TMEM178B: variants seen among roughly 807,000 people sequenced by gnomAD.
TMEM178B encodes transmembrane protein 178B.
TMEM178B carries 5 observed loss-of-function variants against 31.0 expected under a neutral mutation model. The observed-to-expected ratio is 0.16, with a 90% CI of 0.08 to 0.34. The LOEUF is 0.34. TMEM178B is among the 10% of genes least tolerant of loss of function. The pLI is 1.00. For synonymous variants in TMEM178B, 164 were observed against 164.0 expected, an observed-to-expected ratio of 1.00 and a Z score of 0.00; for missense variants, 275 against 400.3, an observed-to-expected ratio of 0.69 and a Z score of 2.67.
chr7:141,471,142 G>A lies in TMEM178B; in HGVS notation c.*356G>A, dbSNP rs1802234704. ...TGTAGAGAAGGAAGTGCCACCCACTGGGTCAACGGGAGAGGACGCCACCCC... is the reference window on the plus strand; with the variant it reads ...TGTAGAGAAGGAAGTGCCACCCACTAGGTCAACGGGAGAGGACGCCACCCC... On this transcript the variant is annotated 3_prime_UTR_variant, in exon 4 of 4. Coordinates refer to ENST00000565468, the MANE Select transcript of TMEM178B (RefSeq NM_001195278.2). The surrounding 1 kb of genome is among the most constrained non-coding windows in gnomAD (Gnocchi z 4.1). 6.6e-6 allele frequency: 1 copy of A among 152,194 alleles called. No homozygotes were observed. The allele number at this position is 152,194 out of a possible 1,614,324, so 9.4% of individuals were successfully genotyped here. A position where few individuals can be genotyped will look rare whatever the true frequency, so the allele number is the denominator to read the frequency against.
In TMEM178B at chr7:141,239,022, A is replaced by G. The variant is rs182514595; in HGVS notation, c.496+26318A>G. 1.5e-4 allele frequency among the ~76,000 whole-genome samples: 23 copies of G among 152,150 alleles called. No homozygotes were observed. In the East Asian group the frequency reaches 4.1e-3, roughly 27 times the overall value. ...AAAATATTTCACAATAATCATCACA[A>G]TGGAGGGACTCTGCAGGAGCCGGTA... On this transcript the variant is annotated intron_variant, in intron 2 of 3. Coordinates refer to ENST00000565468, the MANE Select transcript of TMEM178B (RefSeq NM_001195278.2).
At chr7:141,139,614 C>T (rs1795734414) in intron 1 of TMEM178B, among the ~76,000 whole-genome samples, 2 of 151,974 alleles carry the variant, frequency 1.3e-5, no homozygotes, top group African/African-American at 4.8e-5. Flanking sequence ...AGTGCTGGGA[C>T]TACAGGGATG....
chr7:141,099,640 T>G (rs553150819), intron 1 of TMEM178B, among the ~76,000 whole-genome samples: 2 of 152,300 alleles, frequency 1.3e-5, no homozygotes, highest in South Asian at 4.1e-4. Context: ...TATAGATCTA[T>G]AGCAAATCAC....
the TMEM178B span, among the ~76,000 whole-genome samples, chr7:141,494,401 A>G: frequency 1.2e-4 from 19 of 152,170 alleles, no homozygotes; most frequent in Non-Finnish European, 2.9e-5. Flanking sequence ...TTAGATTTAT[A>G]TGTCCTTTTT....
chr7:141,144,574 C>T (rs1429353654), intron 1 of TMEM178B, among the ~76,000 whole-genome samples: 1 of 152,120 alleles, frequency 6.6e-6, no homozygotes, highest in Non-Finnish European at 1.5e-5. Context: ...TGAACCCAGA[C>T]ACAAACGATG....
At chr7:141,371,141 T>C (rs568707252) in intron 2 of TMEM178B, among the ~76,000 whole-genome samples, 1 of 152,336 alleles carries the variant, frequency 6.6e-6, no homozygotes, top group South Asian at 2.1e-4. Context: ...TCTTTGTCCC[T>C]TCCAAACCTC....
At chr7:141,216,832 C>T (rs139766357) in intron 2 of TMEM178B, among the ~76,000 whole-genome samples, 10 of 152,090 alleles carry the variant, frequency 6.6e-5, no homozygotes, top group Non-Finnish European at 1.5e-4. Flanking sequence ...TGGTGTGGTG[C>T]GGTGCCCTGG....
At chr7:141,354,726 TG>T (rs1284456968) in intron 2 of TMEM178B, among the ~76,000 whole-genome samples, 3 of 152,226 alleles carry the variant, frequency 2.0e-5, no homozygotes, top group Non-Finnish European at 4.4e-5. Flanking sequence ...TGTGGTTTCG[TG>T]GTTCCTATTT....
At chr7:141,177,673 G>A (rs1796455903) in intron 1 of TMEM178B, among the ~76,000 whole-genome samples, 2 of 152,160 alleles carry the variant, frequency 1.3e-5, no homozygotes, top group Non-Finnish European at 2.9e-5. Context: ...TCTTGTTGTT[G>A]AATTGATCCC....
intron 1 of TMEM178B, among the ~76,000 whole-genome samples, chr7:141,106,383 A>G (rs900622047): frequency 6.6e-6 from 1 of 152,250 alleles, no homozygotes; most frequent in African/African-American, 2.4e-5. Context: ...ACACATAGAT[A>G]TATTACAGAG....
intron 1 of TMEM178B, among the ~76,000 whole-genome samples, chr7:141,160,675 G>A (rs1368535957): frequency 1.3e-5 from 2 of 152,146 alleles, no homozygotes; most frequent in South Asian, 2.1e-4. Context: ...GGCACATGGG[G>A]CATATGTTCT....
intron 2 of TMEM178B, among the ~76,000 whole-genome samples, chr7:141,386,518 A>G (rs535371524): frequency 1.3e-5 from 2 of 152,330 alleles, no homozygotes; most frequent in East Asian, 3.9e-4. Context: ...TTTATGGGGT[A>G]CAATTTGATG....
chr7:141,335,662 C>T (rs1282416393), intron 2 of TMEM178B, among the ~76,000 whole-genome samples: 1 of 152,128 alleles, frequency 6.6e-6, no homozygotes, highest in Non-Finnish European at 1.5e-5. Context: ...ATTGCCTCAC[C>T]TCTCCCCCAT....
intron 1 of TMEM178B, among the ~76,000 whole-genome samples, chr7:141,100,818 C>T (rs542843613): frequency 6.6e-6 from 1 of 152,108 alleles, no homozygotes; most frequent in African/African-American, 2.4e-5. Context: ...GGCTCATAAA[C>T]TAATTCAAAA....
chr7:141,385,231 G>A (rs1800409900), intron 2 of TMEM178B, among the ~76,000 whole-genome samples: 1 of 152,154 alleles, frequency 6.6e-6, no homozygotes, highest in South Asian at 2.1e-4. Flanking sequence ...AATTATGGCA[G>A]CTCTTCAGTA....
intron 2 of TMEM178B, among the ~76,000 whole-genome samples, chr7:141,338,357 T>A (rs1799461078): frequency 6.6e-6 from 1 of 152,210 alleles, no homozygotes; most frequent in Non-Finnish European, 1.5e-5. Context: ...TTATTTATTC[T>A]CAACTTTGTT....
chr7:141,417,379 A>G (rs1369347114), intron 2 of TMEM178B, among the ~76,000 whole-genome samples: 1 of 151,926 alleles, frequency 6.6e-6, no homozygotes, highest in African/African-American at 2.4e-5. Context: ...GGCTTTCTGG[A>G]CCAGCGGCCT....
chr7:141,232,052 C>T (rs1204537244), intron 2 of TMEM178B, among the ~76,000 whole-genome samples: 1 of 152,160 alleles, frequency 6.6e-6, no homozygotes, highest in South Asian at 2.1e-4. Flanking sequence ...TAAGTGAGAA[C>T]ATGCGGTGTT....
chr7:141,350,681 A>C (rs1221797377), intron 2 of TMEM178B, among the ~76,000 whole-genome samples: 1 of 152,164 alleles, frequency 6.6e-6, no homozygotes, highest in African/African-American at 2.4e-5. Context: ...TACCAGGTTA[A>C]ATTTTTTAAT....
Sources: allele counts gnomAD v4.1 joint callset (sites outside exome capture counted in the v4.1 genomes callset), GRCh38; gene constraint gnomAD v4.1.1; non-coding constraint Gnocchi (gnomAD v3.1); transcripts MANE v1.5; gene names NCBI Gene and HGNC (gene_info 2026-07-23, HGNC 2026-07-21).